DPP6: variants seen among roughly 807,000 people sequenced by gnomAD.
DPP6 encodes the protein dipeptidyl peptidase like 6, also known as A-type potassium channel modulatory protein DPP6.
DPP6 carries 69 observed loss-of-function variants against 122.6 expected under a neutral mutation model. The observed-to-expected ratio is 0.56, with a 90% CI of 0.46 to 0.69. The LOEUF (loss-of-function observed/expected upper bound fraction) is 0.69, where lower values mean the gene tolerates loss of function less well. Among genes scored for constraint, DPP6 ranks in the 30% least tolerant of loss-of-function variants. The pLI, the probability that DPP6 is intolerant of heterozygous loss-of-function variation, is 0.00. For missense variants in DPP6, 928 were observed against 1,116.9 expected (o/e 0.83, Z 2.41); for synonymous variants, 418 against 433.1 (o/e 0.97, Z 0.43).
the DPP6 span, among the ~76,000 whole-genome samples, chr7:153,784,618 T>G: frequency 1.3e-5 from 2 of 152,186 alleles, no homozygotes; most frequent in African/African-American, 4.8e-5. Context: ...CCTGCAGAGT[T>G]AAATTGCAGT....
At chr7:154,060,659 A>G (rs868136243) in intron 1 of DPP6, among the ~76,000 whole-genome samples, 3,262 of 76,004 alleles carry the variant, frequency 0.043, 83 homozygotes, top group Middle Eastern at 0.098. Flanking sequence ...CCCCCACGAG[A>G]GTGGCGACTG....
At chr7:154,683,978 C>T (rs1839441789) in intron 7 of DPP6, among the ~76,000 whole-genome samples, 1 of 152,194 alleles carries the variant, frequency 6.6e-6, no homozygotes, top group Non-Finnish European at 1.5e-5. Flanking sequence ...AAGCGATCCT[C>T]CCACCTCAGC....
In DPP6 at chr7:154,889,275, A is replaced by G. The variant is rs1806409210; in HGVS notation, c.2308A>G (p.Thr770Ala). The G allele has an allele frequency of 6.2e-7, 1 of 1,612,640 alleles. No individual in the cohort carries two copies. Among genetic ancestry groups the G allele is most frequent in the East Asian group, 2.2e-5 (1 of 44,858 alleles). ...CCCCTTGCCCCCGCATGTGCAGATG[A>G]CCAAGGTAGCCCATCGAGTCTCCGC... is the stretch of plus-strand genomic sequence containing the variant. ...HGLDNRAYEM[T>A]KVAHRVSALE... The change falls in exon 24 of 26, where the codon ACC (threonine) becomes GCC (alanine). Residue 770 changes from threonine (T) to alanine (A), a missense_variant. Thr to Ala is a moderately conservative substitution (Grantham distance 58, BLOSUM62 0). Coordinates refer to ENST00000377770, the MANE Select transcript of DPP6 (RefSeq NM_130797.4).
At position 154,727,976 on chromosome 7, in the gene DPP6, T is replaced by A. The variant is rs531917708; in HGVS notation, c.883+89T>A. On this transcript the variant is annotated intron_variant, in intron 8 of 25. Transcript: ENST00000377770. ...GGGTTCTTTTTCATTTTTCTTTGAC[T>A]TTAACTGTAAATTAAACTCCAGTTT... 4 of 1,501,590 alleles carry A rather than the reference T, an allele frequency of 2.7e-6. No homozygotes were observed. The African/African-American group carries it at 5.6e-5, about 21-fold the overall frequency. The allele number at this position is 1,501,590 out of a possible 1,614,324, so 93.0% of individuals were successfully genotyped here.
chr7:154,664,828 A>T (rs910854929), intron 6 of DPP6, among the ~76,000 whole-genome samples: 1 of 152,202 alleles, frequency 6.6e-6, no homozygotes, highest in African/African-American at 2.4e-5. Context: ...AAGTTGCAAA[A>T]GTAGTGCAAA....
At chr7:154,674,961 A>T (rs1838795693) in intron 7 of DPP6, among the ~76,000 whole-genome samples, 1 of 152,238 alleles carries the variant, frequency 6.6e-6, no homozygotes, top group African/African-American at 2.4e-5. Flanking sequence ...GTCAGTCAGG[A>T]GAAAAACATG....
At position 154,243,959 on chromosome 7, in the gene DPP6, G is replaced by A. The variant is rs191769845; in HGVS notation, c.243+190896G>A. ...TGTGGTCAAAATACATGTAAGTTGC[G>A]TCTCAACAGGACAGAGGAGAGAAAA... is the stretch of plus-strand genomic sequence containing the variant. On this transcript the variant is annotated intron_variant, in intron 1 of 25. Transcript: ENST00000377770. Among the ~76,000 whole-genome samples the A allele has an allele frequency of 1.1e-4, 17 of 151,874 alleles. No homozygotes were observed. In the East Asian group the frequency reaches 1.2e-3, roughly 10 times the overall value.
At chr7:154,739,229 C>T (rs1031160915) in intron 8 of DPP6, among the ~76,000 whole-genome samples, 19 of 152,266 alleles carry the variant, frequency 1.2e-4, no homozygotes, top group Admixed American at 5.2e-4. Context: ...GAGGGGGAGG[C>T]CAGACATGTC....
chr7:154,260,326 C>T (rs900740013), intron 1 of DPP6, among the ~76,000 whole-genome samples: 4 of 152,114 alleles, frequency 2.6e-5, no homozygotes, highest in South Asian at 2.1e-4. Context: ...TATTGGGGAA[C>T]AGGTAGTGGT....
At chr7:154,213,711 G>GTC in intron 1 of DPP6, among the ~76,000 whole-genome samples, 1 of 152,140 alleles carries the variant, frequency 6.6e-6, no homozygotes, top group East Asian at 1.9e-4. Flanking sequence ...CCAACCCTGT[G>GTC]ACTGATCCCC....
intron 1 of DPP6, among the ~76,000 whole-genome samples, chr7:154,424,207 T>C (rs1325028079): frequency 2.0e-5 from 3 of 152,160 alleles, no homozygotes; most frequent in African/African-American, 7.2e-5. Flanking sequence ...GATTAGGGTG[T>C]TGTCTGTAAA....
rs190202102 is a variant in DPP6, at chr7:154,289,824, G to A, written c.244-156390G>A. 2.6e-3 allele frequency among the ~76,000 whole-genome samples: 391 copies of A among 152,244 alleles called. 1 individual carries two copies. Among genetic ancestry groups the A allele is most frequent in the Non-Finnish European group, 4.2e-3 (288 of 68,022 alleles). On this transcript the variant is annotated intron_variant, in intron 1 of 25. Transcript: ENST00000377770. ...GTCTGATGGGGATGGCAGTCCTGGC[G>A]TTATGCCATGGGTAGGGTACTGAGG... is the stretch of plus-strand genomic sequence containing the variant.
At chr7:153,986,835 C>A (rs1796870607) in intron 1 of DPP6, among the ~76,000 whole-genome samples, 1 of 151,664 alleles carries the variant, frequency 6.6e-6, no homozygotes, top group Non-Finnish European at 1.5e-5. Flanking sequence ...ATGTTGATGT[C>A]TTCTCCATCT....
At chr7:154,733,724 T>C (rs1214130902) in intron 8 of DPP6, among the ~76,000 whole-genome samples, 1 of 152,260 alleles carries the variant, frequency 6.6e-6, no homozygotes, top group African/African-American at 2.4e-5. Context: ...ATTATTAAAA[T>C]GAAAGCCCTC....
At chr7:154,743,826 T>TC (rs1172532127) in intron 8 of DPP6, among the ~76,000 whole-genome samples, 1 of 152,096 alleles carries the variant, frequency 6.6e-6, no homozygotes, top group Admixed American at 6.5e-5. Flanking sequence ...CCAGTCCCAG[T>TC]CAGCCCTGAG....
the DPP6 span, among the ~76,000 whole-genome samples, chr7:153,814,473 A>G: frequency 6.6e-6 from 1 of 152,296 alleles, no homozygotes; most frequent in South Asian, 2.1e-4. Flanking sequence ...TCAATAGCTT[A>G]CCAACCAAAA....
At chr7:154,398,194 T>C (rs932178484) in intron 1 of DPP6, among the ~76,000 whole-genome samples, 3 of 152,318 alleles carry the variant, frequency 2.0e-5, no homozygotes, top group African/African-American at 7.2e-5. Context: ...CCAGATGTTG[T>C]GCATATGTAG....
intron 8 of DPP6, 29 bp from the exon 9 acceptor site, chr7:154,769,388 T>C (rs772452527): frequency 6.2e-7 from 1 of 1,612,326 alleles, no homozygotes; most frequent in Non-Finnish European, 8.5e-7. Flanking sequence ...TTGTTACTAT[T>C]CACATTTCTC....
intron 3 of DPP6, among the ~76,000 whole-genome samples, chr7:154,480,838 C>A (rs1215679715): frequency 6.6e-6 from 1 of 152,174 alleles, no homozygotes; most frequent in Non-Finnish European, 1.5e-5. Context: ...CTATCCACAA[C>A]CTTTCTGATG....
Sources: allele counts gnomAD v4.1 joint callset (sites outside exome capture counted in the v4.1 genomes callset), GRCh38; gene constraint gnomAD v4.1.1; transcripts MANE v1.5; gene names NCBI Gene and HGNC (gene_info 2026-07-23, HGNC 2026-07-21).